Variants in ZNF713 observed in about 807,000 individuals in gnomAD.
The protein encoded by ZNF713 is zinc finger protein 713.
A neutral mutation model predicts 28.7 loss-of-function variants in ZNF713; 21 were observed. The observed-to-expected ratio is 0.73, with a 90% CI of 0.52 to 1.05. ZNF713 has a LOEUF of 1.05. Ranked by LOEUF, ZNF713 falls within the 50% of genes least tolerant of loss-of-function variation. The pLI, the probability that ZNF713 is intolerant of heterozygous loss-of-function variation, is 0.00. For synonymous variants in ZNF713, 167 were observed against 178.0 expected (o/e 0.94, Z 0.49); for missense variants, 458 against 532.4 (o/e 0.86, Z 1.37).
At position 55,939,866 on chromosome 7, in the gene ZNF713, T is replaced by A. The variant is rs750708806; in HGVS notation, c.1192T>A (p.Tyr398Asn). Reference sequence around the variant, plus strand: ...AAGAACTCATACAGGAGAGAAACCCTATAAATGTAATGAATGCGGGAAAGC... The same window carrying A: ...AAGAACTCATACAGGAGAGAAACCCAATAAATGTAATGAATGCGGGAAAGC... ...HERTHTGEKP[Y>N]KCNECGKAFS... The change falls in exon 7 of 7, where the codon TAT (tyrosine) becomes AAT (asparagine). Residue 398 changes from tyrosine (Y) to asparagine (N), a missense_variant. Transcript: ENST00000429591. 6.2e-7 allele frequency: 1 copy of A among 1,614,114 alleles called. No individual in the cohort carries two copies. The highest frequency in any genetic ancestry group is 8.5e-7 in the Non-Finnish European group (1 of 1,179,978).
At chr7:55,927,496 C>A (rs1786118715) in intron 6 of ZNF713, among the ~76,000 whole-genome samples, 1 of 152,088 alleles carries the variant, frequency 6.6e-6, no homozygotes, top group Non-Finnish European at 1.5e-5. Flanking sequence ...GCACTCCAGC[C>A]TGGGCAATAG....
intron 6 of ZNF713, among the ~76,000 whole-genome samples, chr7:55,934,491 T>C (rs1786304354): frequency 6.6e-6 from 1 of 152,000 alleles, no homozygotes; most frequent in African/African-American, 2.4e-5. Context: ...GTGAAATGAG[T>C]TACATTTCAC....
intron 6 of ZNF713, among the ~76,000 whole-genome samples, chr7:55,932,805 A>G (rs1786263047): frequency 7.5e-6 from 1 of 133,420 alleles, no homozygotes; most frequent in African/African-American, 2.8e-5. Context: ...AATGGCGTGA[A>G]CCCGGGAAGC....
intron 1 of ZNF713, among the ~76,000 whole-genome samples, chr7:55,895,493 A>T: frequency 1.3e-5 from 1 of 78,820 alleles, no homozygotes; most frequent in African/African-American, 4.3e-5. Context: ...TTTGAGACAG[A>T]GTTTCACTCT....
At chr7:55,935,045 C>T (rs1228976955) in intron 6 of ZNF713, among the ~76,000 whole-genome samples, 1 of 151,970 alleles carries the variant, frequency 6.6e-6, no homozygotes, top group Non-Finnish European at 1.5e-5. Context: ...TGCACCACCA[C>T]GCCCAGCTAA....
intron 1 of ZNF713, among the ~76,000 whole-genome samples, chr7:55,890,989 C>G (rs994855824): frequency 6.5e-5 from 9 of 138,042 alleles, no homozygotes; most frequent in African/African-American, 2.5e-4. Flanking sequence ...GAGTGAGACT[C>G]TGTCTCAAAA....
intron 1 of ZNF713, among the ~76,000 whole-genome samples, chr7:55,888,733 A>ACGTACATACATG (rs150340524): frequency 0.61 from 81,683 of 132,842 alleles, 22,315 homozygotes; most frequent in East Asian, 0.71. Context: ...GAATACATAT[A>ACGTACATACATG]CGTACATACA....
At chr7:55,916,960 A>C (rs1331213805) in intron 4 of ZNF713, among the ~76,000 whole-genome samples, 2 of 152,214 alleles carry the variant, frequency 1.3e-5, no homozygotes, top group Non-Finnish European at 2.9e-5. Context: ...CACACCTGTA[A>C]TCCCAGCACT....
At chr7:55,932,647 G>C in intron 6 of ZNF713, among the ~76,000 whole-genome samples, 1 of 151,698 alleles carries the variant, frequency 6.6e-6, no homozygotes, top group Non-Finnish European at 1.5e-5. Context: ...CACTTTGGGA[G>C]GCCGAGGCGG....
Position 55,940,115 on chromosome 7 carries a change from A to G in ZNF713, c.*109A>G, listed in dbSNP as rs1786436429. On this transcript the variant is annotated 3_prime_UTR_variant, in exon 7 of 7. Coordinates refer to ENST00000429591, the MANE Select transcript of ZNF713 (RefSeq NM_182633.3). Reference sequence around the variant, plus strand: ...TTCATAGTGGAGAGAAAGCTTATACATAAATTTTTGTTTTGTTTTGTTTTT... The same window carrying G: ...TTCATAGTGGAGAGAAAGCTTATACGTAAATTTTTGTTTTGTTTTGTTTTT... 5.5e-6 allele frequency: 8 copies of G among 1,446,170 alleles called. No individual in the cohort carries two copies. The highest frequency in any genetic ancestry group is 6.3e-6 in the Non-Finnish European group (7 of 1,105,662). The allele number at this position is 1,446,170 out of a possible 1,614,324, so 89.6% of individuals were successfully genotyped here. A position where few individuals can be genotyped will look rare whatever the true frequency, so the allele number is the denominator to read the frequency against.
At chr7:55,889,793 C>T (rs1418747455) in intron 1 of ZNF713, among the ~76,000 whole-genome samples, 2 of 152,186 alleles carry the variant, frequency 1.3e-5, no homozygotes, top group Non-Finnish European at 2.9e-5. Flanking sequence ...TCTTGTAACA[C>T]GTTGGTGTCA....
rs749439655 is a variant in ZNF713 at position 55,940,014 on chromosome 7, T to TG, written c.*13dup. The TG allele has an allele frequency of 1.5e-5, 23 of 1,547,250 alleles. No individual in the cohort carries two copies. The highest frequency in any genetic ancestry group is 1.3e-4 in the South Asian group (10 of 79,420). On this transcript the variant is annotated 3_prime_UTR_variant, in exon 7 of 7. Coordinates refer to ENST00000429591, the MANE Select transcript of ZNF713 (RefSeq NM_182633.3). ...TCATTTAGCAGCACATAACTTATGG[T>TG]GGGGGAAATCAGATAAATATATAAA... is the stretch of plus-strand genomic sequence containing the variant.
chr7:55,937,913 GAATT>G (rs1786385272), intron 6 of ZNF713, among the ~76,000 whole-genome samples: 1 of 77,688 alleles, frequency 1.3e-5, no homozygotes, highest in East Asian at 4.4e-4. Flanking sequence ...CAAAAAATAA[GAATT>G]AAGAGGCCGG....
At chr7:55,914,207 T>G (rs1158288603) in intron 4 of ZNF713, among the ~76,000 whole-genome samples, 2 of 152,138 alleles carry the variant, frequency 1.3e-5, no homozygotes, top group Non-Finnish European at 2.9e-5. Context: ...ATTTAAGATC[T>G]CTTTTATGGA....
chr7:55,936,067 C>A (rs1236481931), intron 6 of ZNF713, among the ~76,000 whole-genome samples: 1 of 151,774 alleles, frequency 6.6e-6, no homozygotes, highest in African/African-American at 2.4e-5. Flanking sequence ...GAGTTCAAGA[C>A]CAACTTGGCC....
At chr7:55,928,804 A>G (rs1047986166) in intron 6 of ZNF713, among the ~76,000 whole-genome samples, 4 of 152,186 alleles carry the variant, frequency 2.6e-5, no homozygotes, top group African/African-American at 9.7e-5. Context: ...CAAGATGGCA[A>G]TGTCCCTACT....
chr7:55,896,603 A>G (rs113147596), intron 1 of ZNF713, among the ~76,000 whole-genome samples: 77 of 145,380 alleles, frequency 5.3e-4, no homozygotes, highest in East Asian at 1.8e-3. Flanking sequence ...GTGTGTGTGT[A>G]TATATATATA....
chr7:55,899,943 C>A (rs188762412), intron 1 of ZNF713, among the ~76,000 whole-genome samples: 4 of 151,842 alleles, frequency 2.6e-5, no homozygotes, highest in Admixed American at 2.6e-4. Context: ...AGGGCTTCAC[C>A]ATGTTGGCCA....
intron 3 of ZNF713, among the ~76,000 whole-genome samples, 177 bp from the exon 4 acceptor site, chr7:55,912,458 C>G (rs1358105508): frequency 3.3e-5 from 5 of 152,196 alleles, no homozygotes; most frequent in Non-Finnish European, 1.5e-5. Context: ...ACAGACAGTT[C>G]TGCATTGAAT....
Sources: gnomAD v4.1 joint callset for allele counts (sites outside exome capture counted in the v4.1 genomes callset) on GRCh38, gnomAD v4.1.1 for gene constraint, MANE v1.5 for transcripts, NCBI Gene and HGNC (gene_info 2026-07-23, HGNC 2026-07-21) for gene names.